SORCS2: variants seen among roughly 807,000 people sequenced by gnomAD.
SORCS2 encodes sortilin related VPS10 domain containing receptor 2.
In SORCS2, 100 loss-of-function variants were observed where a neutral mutation model predicts 141.6. The observed-to-expected ratio is 0.71, with a 90% CI of 0.60 to 0.83. The LOEUF is 0.83. SORCS2 is among the 40% of genes least tolerant of loss of function. The pLI, the probability that SORCS2 is intolerant of heterozygous loss-of-function variation, is 0.00. For missense variants in SORCS2, 1,646 were observed against 1,560.2 expected (o/e 1.05, Z -0.93); for synonymous variants, 789 against 676.9 (o/e 1.17, Z -2.57).
chr4:7,269,190 G>C (rs1714947221), intron 1 of SORCS2, among the ~76,000 whole-genome samples: 1 of 152,208 alleles, frequency 6.6e-6, no homozygotes, highest in African/African-American at 2.4e-5. Context: ...CCAGTGCTGG[G>C]ATGAGGGCCG....
chr4:7,387,809 C>CACGCACACACAT (rs1560241919), intron 1 of SORCS2, among the ~76,000 whole-genome samples: 26 of 143,752 alleles, frequency 1.8e-4, no homozygotes, highest in South Asian at 2.2e-4. Flanking sequence ...CACATGCACA[C>CACGCACACACAT]ACAGATACAG....
At chr4:7,361,010 A>G (rs116832958) in intron 1 of SORCS2, among the ~76,000 whole-genome samples, 4,402 of 152,018 alleles carry the variant, frequency 0.029, 91 homozygotes, top group Non-Finnish European at 0.046. Context: ...TGCAACTGGA[A>G]GCTCCCTGGA....
At chr4:7,314,981 G>A (rs1718466332) in intron 1 of SORCS2, among the ~76,000 whole-genome samples, 1 of 152,056 alleles carries the variant, frequency 6.6e-6, no homozygotes, top group Non-Finnish European at 1.5e-5. Context: ...ACAGGTGCTC[G>A]CCACCATGCC....
At chr4:7,697,438 T>C (rs1724784968) in intron 12 of SORCS2, among the ~76,000 whole-genome samples, 164 bp downstream of exon 12, 1 of 152,238 alleles carries the variant, frequency 6.6e-6, no homozygotes, top group Non-Finnish European at 1.5e-5. Flanking sequence ...GGGCTCACTT[T>C]AGCAGATGTG....
At chr4:7,544,784 C>A (rs1713114430) in intron 3 of SORCS2, among the ~76,000 whole-genome samples, 1 of 152,242 alleles carries the variant, frequency 6.6e-6, no homozygotes, top group Admixed American at 6.5e-5. Context: ...AGTCACCTGC[C>A]ATCCCCAGTC....
intron 1 of SORCS2, among the ~76,000 whole-genome samples, chr4:7,214,156 G>A (rs559537316): frequency 6.6e-6 from 1 of 152,168 alleles, no homozygotes; most frequent in Admixed American, 6.5e-5. Flanking sequence ...GCTGGTGGGT[G>A]GGGAGGCTGC....
At chr4:7,224,687 A>G (rs1173614670) in intron 1 of SORCS2, among the ~76,000 whole-genome samples, 2 of 152,218 alleles carry the variant, frequency 1.3e-5, no homozygotes, top group Non-Finnish European at 2.9e-5. Flanking sequence ...AACACTGGGG[A>G]ATACAGTGAG....
intron 22 of SORCS2, 129 bp downstream of exon 22, chr4:7,728,591 C>T (rs1225002364): frequency 9.5e-6 from 6 of 632,096 alleles, no homozygotes; most frequent in Admixed American, 3.0e-5. Flanking sequence ...ATGCTCTGGT[C>T]TTCGGGCCAG....
In SORCS2 at chr4:7,590,057, A is replaced by G. The variant is rs184625468; in HGVS notation, c.649-48271A>G. Among the ~76,000 whole-genome samples the G allele has an allele frequency of 1.3e-3, 205 of 152,282 alleles. 3 individuals carry two copies. Among genetic ancestry groups the G allele is most frequent in the African/African-American group, 4.5e-3 (189 of 41,558 alleles). On this transcript the variant is annotated intron_variant, in intron 3 of 26. Transcript: ENST00000507866. ...AAGACAGCCGAGAAGGGGAATGGCT[A>G]TTTATTGCTGTTGCAAAGGTCTGTC...
chr4:7,382,483 G>T (rs941295235), intron 1 of SORCS2, among the ~76,000 whole-genome samples: 15 of 152,242 alleles, frequency 9.9e-5, no homozygotes, highest in African/African-American at 3.4e-4. Flanking sequence ...GTTTGAAGCT[G>T]ATTGCCAGTC....
intron 2 of SORCS2, among the ~76,000 whole-genome samples, chr4:7,406,915 T>G (rs957284410): frequency 3.9e-5 from 6 of 152,108 alleles, no homozygotes; most frequent in Admixed American, 3.9e-4. Context: ...ATTTTATAAT[T>G]TCTTTCTCAA....
chr4:7,376,900 C>T (rs1451969725), intron 1 of SORCS2, among the ~76,000 whole-genome samples: 1 of 152,038 alleles, frequency 6.6e-6, no homozygotes, highest in Non-Finnish European at 1.5e-5. Context: ...CTGACCCCCA[C>T]CCCCACCCAG....
chr4:7,659,759 A>G (rs186307842), intron 5 of SORCS2, among the ~76,000 whole-genome samples: 48 of 152,266 alleles, frequency 3.2e-4, no homozygotes, highest in Non-Finnish European at 5.6e-4. Flanking sequence ...CCTTGGACAA[A>G]GGGGCCAGGG....
chr4:7,643,059 C>T lies in SORCS2; in HGVS notation c.813+4567C>T, dbSNP rs62290663. Among the ~76,000 whole-genome samples, 976 of 152,312 alleles carry T rather than the reference C, an allele frequency of 6.4e-3. 6 individuals are homozygous for T. Among genetic ancestry groups the T allele is most frequent in the Middle Eastern group, 0.017 (5 of 294 alleles). ...GCCTCCCTTTCCTTCCCTACCTCTT[C>T]CTTCCCATACGCCCGCCCTGCCTCC... On this transcript the variant is annotated intron_variant, in intron 4 of 26. Transcript: ENST00000507866.
chr4:7,627,766 C>T, intron 3 of SORCS2, among the ~76,000 whole-genome samples: 1 of 152,358 alleles, frequency 6.6e-6, no homozygotes, highest in Non-Finnish European at 1.5e-5. Context: ...TTCAGATCAA[C>T]TCGTTTTATT....
intron 1 of SORCS2, among the ~76,000 whole-genome samples, chr4:7,250,575 G>A (rs1245915884): frequency 2.0e-5 from 3 of 152,238 alleles, no homozygotes; most frequent in Admixed American, 6.5e-5. Context: ...CCAGCGTCCC[G>A]TGATATTCTG....
At chr4:7,535,340 T>C (rs1260199587) in intron 3 of SORCS2, among the ~76,000 whole-genome samples, 2 of 151,978 alleles carry the variant, frequency 1.3e-5, no homozygotes, top group Non-Finnish European at 1.5e-5. Context: ...GGGCCAGGAG[T>C]GCAGCGGATG....
chr4:7,429,982 G>T (rs577915566), intron 2 of SORCS2, among the ~76,000 whole-genome samples: 9 of 152,326 alleles, frequency 5.9e-5, no homozygotes, highest in African/African-American at 2.2e-4. Context: ...CCCCCGTCCG[G>T]TGCACAGGGG....
At chr4:7,594,268 C>T (rs913368266) in intron 3 of SORCS2, among the ~76,000 whole-genome samples, 8 of 152,188 alleles carry the variant, frequency 5.3e-5, no homozygotes, top group South Asian at 2.1e-4. Flanking sequence ...GCAGGTCCCG[C>T]GATCATAAAA....
Sources: allele counts gnomAD v4.1 joint callset (sites outside exome capture counted in the v4.1 genomes callset), GRCh38; gene constraint gnomAD v4.1.1; transcripts MANE v1.5; gene names NCBI Gene and HGNC (gene_info 2026-07-23, HGNC 2026-07-21).